ADGRV1: variants seen among roughly 807,000 people sequenced by gnomAD.
The protein encoded by ADGRV1 is adhesion G protein-coupled receptor V1, also known as G-protein coupled receptor 98.
In ADGRV1, 359 loss-of-function variants were observed where a neutral mutation model predicts 596.2. That is an observed-to-expected ratio of 0.60 (90% CI 0.55 to 0.66). The LOEUF (loss-of-function observed/expected upper bound fraction) is 0.66, where lower values mean the gene tolerates loss of function less well. ADGRV1 is among the 30% of genes least tolerant of loss of function. The pLI is 0.00. For missense variants in ADGRV1, 7,274 were observed against 7,575.6 expected (o/e 0.96, Z 1.48); for synonymous variants, 2,681 against 2,679.2 (o/e 1.00, Z -0.02).
rs534244809 is a variant in ADGRV1 at position 90,733,899 on chromosome 5, G to A, written c.10549+4135G>A. Among the ~76,000 whole-genome samples the A allele has an allele frequency of 6.6e-5, 10 of 152,156 alleles. No homozygotes were observed. In the South Asian group the frequency reaches 2.1e-3, roughly 32 times the overall value. ...ATTCCTCCTGTCTAGCCAAAATTTT[G>A]TACCTTTTGACCACCAACTTCCCAT... On this transcript the variant is annotated intron_variant, in intron 50 of 89. Transcript: ENST00000405460.
At chr5:90,909,376 T>G (rs6858917) in intron 83 of ADGRV1, among the ~76,000 whole-genome samples, 69,627 of 151,892 alleles carry the variant, frequency 0.46, 16,288 homozygotes, top group East Asian at 0.65. Context: ...TCTACCTTTC[T>G]TGTCTGCCCT....
At chr5:91,112,684 A>AT (rs1456567849) in intron 87 of ADGRV1, among the ~76,000 whole-genome samples, 1 of 152,074 alleles carries the variant, frequency 6.6e-6, no homozygotes, top group African/African-American at 2.4e-5. Context: ...GGGAGAATAC[A>AT]TTTTTTAAAA....
chr5:90,784,623 G>A (rs2150108589), intron 67 of ADGRV1, among the ~76,000 whole-genome samples: 1 of 152,246 alleles, frequency 6.6e-6, no homozygotes, highest in Admixed American at 6.5e-5. Context: ...AAGCTGGCAT[G>A]TTTCAGGCAT....
At chr5:90,906,237 C>T (rs941910893) in intron 83 of ADGRV1, among the ~76,000 whole-genome samples, 1 of 151,946 alleles carries the variant, frequency 6.6e-6, no homozygotes, top group African/African-American at 2.4e-5. Context: ...TAATATTGGC[C>T]TGATAGAATG....
intron 84 of ADGRV1, among the ~76,000 whole-genome samples, chr5:90,970,099 T>A (rs1466845485): frequency 6.6e-6 from 1 of 152,110 alleles, no homozygotes. Flanking sequence ...GCTCGGAGGG[T>A]CCCACGCCCA....
chr5:90,823,476 C>T lies in ADGRV1; in HGVS notation c.16248C>T (p.Val5416=), dbSNP rs3763073. ...VFWRVTLNKT[V]VVLQKDGVNL... is the part of the protein sequence containing the mutation. ...GGCGAGTCACACTTAACAAAACAGT[C>T]GTCGTGCTCCAGAAGGATGGGGTAA... Residue 5416 remains valine, a synonymous_variant, in exon 76 of 90, where the codon GTC becomes GTT. Coordinates refer to ENST00000405460, the MANE Select transcript of ADGRV1 (RefSeq NM_032119.4). The T allele has an allele frequency of 0.028, 44,903 of 1,613,782 alleles. 2,912 individuals are homozygous for T. The East Asian group carries it at 0.29, about 10-fold the overall frequency.
rs1365130138 is a variant in ADGRV1, at chr5:90,724,893, G to T, written c.9810G>T (p.Trp3270Cys). 1 of 1,612,634 alleles carries T rather than the reference G, an allele frequency of 6.2e-7. No homozygotes were observed. Among genetic ancestry groups the T allele is most frequent in the East Asian group, 2.2e-5 (1 of 44,702 alleles). The change falls in exon 46 of 90, where the codon TGG becomes TGT. Residue 3270 changes from tryptophan (W) to cysteine (C), a missense_variant. Trp to Cys is a radical substitution (Grantham distance 215, BLOSUM62 -2). Transcript: ENST00000405460. ...TTTTGGATGAATCAGCTTCTGGCTG[G>T]TGTTTCTTTACTTTGGAAAATTTAA... ...QSFLDESASG[W>C]CFFTLENLIY...
chr5:90,823,328 T>C (rs1398532536), intron 75 of ADGRV1, 97 bp from the exon 76 acceptor site: 1 of 1,222,550 alleles, frequency 8.2e-7, no homozygotes. Context: ...CCATTTGGTA[T>C]ACTTTGGATG....
Position 90,829,003 on chromosome 5 carries a change from A to G in ADGRV1, c.16428A>G (p.Ala5476=). 6.2e-7 allele frequency: 1 copy of G among 1,608,820 alleles called. No individual in the cohort carries two copies. The highest frequency in any genetic ancestry group is 8.5e-7 in the Non-Finnish European group (1 of 1,176,636). ...TATATGAAGCTACTGCTGGAGCAGC[A>G]ATAAACAACAGTGCCAGATTCGCAC... is the stretch of plus-strand genomic sequence containing the variant. ...VELYEATAGA[A]INNSARFAQI... is the part of the protein sequence containing the mutation. Residue 5476 remains alanine, a synonymous_variant, in exon 77 of 90, where the codon GCA becomes GCG. Coordinates refer to ENST00000405460, the MANE Select transcript of ADGRV1 (RefSeq NM_032119.4).
chr5:91,074,871 C>T (rs1788709049), intron 86 of ADGRV1, among the ~76,000 whole-genome samples: 1 of 152,182 alleles, frequency 6.6e-6, no homozygotes, highest in African/African-American at 2.4e-5. Context: ...GATAGCCATT[C>T]TGACTGGTGT....
rs752288016 is a variant in ADGRV1 at position 90,642,965 on chromosome 5, C to T, written c.2477C>T (p.Thr826Met). 10 of 1,613,364 alleles carry T rather than the reference C, an allele frequency of 6.2e-6. No homozygotes were observed. The highest frequency in any genetic ancestry group is 2.2e-5 in the East Asian group (1 of 44,858). Residue 826 changes from threonine (T) to methionine (M), a missense_variant, in exon 13 of 90, where the codon ACG (threonine) becomes ATG (methionine). Physicochemically the swap from Thr to Met is moderately conservative, Grantham distance 81. This residue lies in a region of ADGRV1 where 1,715 missense variants were observed against 1,708.8 expected (regional missense o/e 1.00). Transcript: ENST00000405460. ...GATAGCAATGAATTCTATGGAAACA[C>T]GGGAGTACTAGAATTTAAACCTGGA... ...PRDSNEFYGN[T>M]GVLEFKPGER...
intron 85 of ADGRV1, among the ~76,000 whole-genome samples, chr5:90,997,934 C>A (rs1379678881): frequency 2.0e-5 from 3 of 152,040 alleles, no homozygotes; most frequent in Non-Finnish European, 4.4e-5. Flanking sequence ...AAGTGAGAGC[C>A]ATATGTATAA....
At chr5:90,932,381 T>C (rs1343297126) in intron 83 of ADGRV1, among the ~76,000 whole-genome samples, 1 of 152,210 alleles carries the variant, frequency 6.6e-6, no homozygotes, top group Non-Finnish European at 1.5e-5. Context: ...TACTCATCTT[T>C]TGTGTTTTTG....
At chr5:90,577,791 G>A (rs765435211) in intron 1 of ADGRV1, among the ~76,000 whole-genome samples, 5 of 152,084 alleles carry the variant, frequency 3.3e-5, no homozygotes, top group African/African-American at 7.2e-5. Flanking sequence ...CTTTTATTTC[G>A]TTGAGCAGTC....
intron 1 of ADGRV1, among the ~76,000 whole-genome samples, chr5:90,599,413 T>C (rs1761124450): frequency 6.6e-6 from 1 of 152,222 alleles, no homozygotes; most frequent in Non-Finnish European, 1.5e-5. Context: ...ATAGCTGTTA[T>C]TAACATTTTT....
At chr5:90,605,244 G>A (rs1227942639) in intron 1 of ADGRV1, among the ~76,000 whole-genome samples, 2 of 151,922 alleles carry the variant, frequency 1.3e-5, no homozygotes, top group East Asian at 1.9e-4. Flanking sequence ...GTGAAACCTC[G>A]TCTCTAATAA....
chr5:90,802,632 CTG>C, intron 70 of ADGRV1, 105 bp from the exon 71 acceptor site: 1 of 909,728 alleles, frequency 1.1e-6, no homozygotes, highest in Non-Finnish European at 1.7e-6. Flanking sequence ...ATTGATGAAA[CTG>C]TTTGCTACTA....
chr5:90,583,948 G>T (rs906017005), intron 1 of ADGRV1, among the ~76,000 whole-genome samples: 5 of 152,148 alleles, frequency 3.3e-5, no homozygotes, highest in African/African-American at 1.2e-4. Context: ...AGATTTCTTT[G>T]TTAATAGAAA....
intron 78 of ADGRV1, among the ~76,000 whole-genome samples, chr5:90,844,192 A>T (rs2150370223): frequency 6.6e-6 from 1 of 152,330 alleles, no homozygotes; most frequent in African/African-American, 2.4e-5. Flanking sequence ...AAATAACCTC[A>T]TATTAAAAAG....
Sources: gnomAD v4.1 joint callset for allele counts (sites outside exome capture counted in the v4.1 genomes callset) on GRCh38, gnomAD v4.1.1 for gene constraint, gnomAD v4.1.1 regional missense constraint, MANE v1.5 for transcripts, NCBI Gene and HGNC (gene_info 2026-07-23, HGNC 2026-07-21) for gene names.